The following GABRP variants were observed in gnomAD, a reference collection of about 807,000 sequenced individuals.
The protein encoded by GABRP is gamma-aminobutyric acid receptor subunit pi.
In GABRP, 52 loss-of-function variants were observed where a neutral mutation model predicts 47.8. That is an observed-to-expected ratio of 1.09 (90% CI 0.87 to 1.37). GABRP has a LOEUF of 1.37. Ranked by LOEUF, GABRP falls within the 40% of genes most tolerant of loss-of-function variation. The pLI is 0.00. For missense variants in GABRP, 525 were observed against 542.8 expected, an observed-to-expected ratio of 0.97 and a Z score of 0.33; for synonymous variants, 221 against 205.8, an observed-to-expected ratio of 1.07 and a Z score of -0.63.
upstream of GABRP, among the ~76,000 whole-genome samples, chr5:170,783,260 A>T (rs1561804014): frequency 6.6e-6 from 1 of 152,192 alleles, no homozygotes; most frequent in African/African-American, 2.4e-5. Context: ...TTTAACATAG[A>T]ATAGGCCTTC....
chr5:170,801,604 T>TCTAATAC (rs1415269734), intron 6 of GABRP, among the ~76,000 whole-genome samples: 1 of 152,180 alleles, frequency 6.6e-6, no homozygotes, highest in Non-Finnish European at 1.5e-5. Context: ...ATACTTTAGT[T>TCTAATAC]TTATATATTG....
intron 4 of GABRP, among the ~76,000 whole-genome samples, chr5:170,794,568 G>A (rs1050935348): frequency 2.6e-5 from 4 of 152,094 alleles, no homozygotes; most frequent in African/African-American, 9.7e-5. Context: ...GAGCCAGAAG[G>A]AGAGAAACCA....
At chr5:170,791,017 G>A (rs771848557) in intron 3 of GABRP, among the ~76,000 whole-genome samples, 1 of 152,196 alleles carries the variant, frequency 6.6e-6, no homozygotes, top group African/African-American at 2.4e-5. Context: ...AGGCCCTACT[G>A]AACACGTATG....
In GABRP at chr5:170,795,293, C is replaced by T. The variant is rs1252647137; in HGVS notation, c.326C>T (p.Ala109Val). Residue 109 changes from alanine (A) to valine (V), a missense_variant, in exon 5 of 10, where the codon GCC (alanine) becomes GTC (valine). Physicochemically the swap from Ala to Val is moderately conservative, Grantham distance 64. Transcript: ENST00000265294. ...FEGNKSFTLD[A>V]RLVEFLWVPD... Reference sequence around the variant, plus strand: ...GGCAACAAGAGCTTCACTCTGGATGCCCGCCTCGTGGAGTTCCTCTGGGTG... The same window carrying T: ...GGCAACAAGAGCTTCACTCTGGATGTCCGCCTCGTGGAGTTCCTCTGGGTG... The T allele has an allele frequency of 5.0e-6, 8 of 1,613,770 alleles. No individual in the cohort carries two copies. The East Asian group carries it at 6.7e-5, about 14-fold the overall frequency.
At chr5:170,806,978 C>T (rs922061232) in intron 7 of GABRP, among the ~76,000 whole-genome samples, 1 of 151,632 alleles carries the variant, frequency 6.6e-6, no homozygotes, top group Non-Finnish European at 1.5e-5. Context: ...CAGTGTCTCA[C>T]TCTAGTGTCA....
rs1488380278 is a variant in GABRP, at chr5:170,808,553, T to C, written c.680-47T>C. 5.7e-6 allele frequency: 9 copies of C among 1,570,336 alleles called. No homozygotes were observed. In the Admixed American group the frequency reaches 8.6e-5, roughly 15 times the overall value. ...TTAAGCATCCCATAGAGAAACCACT[T>C]GCTACACGAACAGACACAATTTCCT... On this transcript the variant is annotated intron_variant, in intron 7 of 9. Transcript: ENST00000265294.
At chr5:170,793,157 C>T (rs1765323738) in intron 3 of GABRP, among the ~76,000 whole-genome samples, 1 of 152,192 alleles carries the variant, frequency 6.6e-6, no homozygotes, top group Non-Finnish European at 1.5e-5. Flanking sequence ...AAGACAATGT[C>T]ACACGTCTAA....
At position 170,795,002 on chromosome 5, in the gene GABRP, G is replaced by A. The variant is rs111308834; in HGVS notation, c.241-206G>A. ...CAATATGCCACTAACCCAAGACTGG[G>A]GTAACTGGAGTGACTTATCAGTTAC... On this transcript the variant is annotated intron_variant, in intron 4 of 9. Coordinates refer to ENST00000265294, the MANE Select transcript of GABRP (RefSeq NM_014211.3). Among the ~76,000 whole-genome samples the A allele has an allele frequency of 9.2e-3, 1,345 of 146,558 alleles. 26 individuals are homozygous for A. The highest frequency in any genetic ancestry group is 0.032 in the African/African-American group (1,268 of 40,082).
intron 1 of GABRP, among the ~76,000 whole-genome samples, chr5:170,787,903 G>C (rs1397291632): frequency 6.6e-6 from 1 of 152,140 alleles, no homozygotes; most frequent in Non-Finnish European, 1.5e-5. Flanking sequence ...GTGTAGAGTT[G>C]AGAGTGTCCT....
chr5:170,807,057 T>C (rs1765755484), intron 7 of GABRP, among the ~76,000 whole-genome samples: 1 of 152,122 alleles, frequency 6.6e-6, no homozygotes, highest in Non-Finnish European at 1.5e-5. Flanking sequence ...TGGGTGATCC[T>C]CCCACCTCAG....
At chr5:170,808,576 C>T in intron 7 of GABRP, 24 bp from the exon 8 acceptor site, 2 of 1,606,690 alleles carry the variant, frequency 1.2e-6, no homozygotes, top group South Asian at 1.1e-5. Flanking sequence ...GACACAATTT[C>T]CTATCTGTTG....
chr5:170,810,047 T>C (rs1256593918), intron 9 of GABRP: 1 of 674,806 alleles, frequency 1.5e-6, no homozygotes, highest in Non-Finnish European at 2.7e-6. Flanking sequence ...CCATGAAGAA[T>C]CCAATATGAA....
At chr5:170,802,213 G>T (rs1765613311) in intron 6 of GABRP, among the ~76,000 whole-genome samples, 1 of 152,150 alleles carries the variant, frequency 6.6e-6, no homozygotes, top group Non-Finnish European at 1.5e-5. Context: ...AATCTCCATT[G>T]TTCCTTAGTA....
chr5:170,799,751 A>T (rs1198107604), intron 6 of GABRP, among the ~76,000 whole-genome samples: 2 of 152,124 alleles, frequency 1.3e-5, no homozygotes, highest in African/African-American at 2.4e-5. Flanking sequence ...CTCTGATTGT[A>T]GTTTCTTTTG....
At chr5:170,801,483 A>G (rs1376047181) in intron 6 of GABRP, among the ~76,000 whole-genome samples, 1 of 152,168 alleles carries the variant, frequency 6.6e-6, no homozygotes, top group African/African-American at 2.4e-5. Flanking sequence ...CCTGATTACC[A>G]CACAGTAGTC....
At chr5:170,782,954 G>A (rs1765045125), upstream of GABRP, 1 of 152,332 alleles carries the variant, frequency 6.6e-6, no homozygotes, top group Non-Finnish European at 1.5e-5. Context: ...ATGAGGGGAT[G>A]ACCCAGAGCT....
intron 6 of GABRP, among the ~76,000 whole-genome samples, chr5:170,801,714 G>A (rs574297209): frequency 9.2e-5 from 14 of 152,218 alleles, no homozygotes; most frequent in Admixed American, 7.8e-4. Context: ...ATTAAATGAC[G>A]ATTCTATGTG....
chr5:170,809,589 T>G lies in GABRP; in HGVS notation c.854T>G (p.Met285Arg), dbSNP rs1239572068. The G allele has an allele frequency of 6.2e-7, 1 of 1,614,114 alleles. No individual in the cohort carries two copies. The highest frequency in any genetic ancestry group is 8.5e-7 in the Non-Finnish European group (1 of 1,180,028). ...CCAGGAGTGACGACCGTGTTATCAA[T>G]GACCACACTGATGATCGGGTCCCGC... ...TCIGVTTVLSMTTLMIGSRTS... is the reference protein window; with the variant it reads ...TCIGVTTVLSRTTLMIGSRTS... Residue 285 changes from methionine to arginine, a missense_variant, in exon 9 of 10, where the codon ATG (methionine) becomes AGG (arginine). Transcript: ENST00000265294.
rs778423886 is a variant in GABRP at position 170,808,605 on chromosome 5, T to C, written c.685T>C (p.Tyr229His). 5.6e-6 allele frequency: 9 copies of C among 1,613,494 alleles called. 1 individual carries two copies. The South Asian group carries it at 9.9e-5, about 18-fold the overall frequency. The change falls in exon 8 of 10, where the codon TAC becomes CAC. Residue 229 changes from tyrosine (Y) to histidine (H), a missense_variant. By Grantham distance (83) the Tyr-to-His change is moderately conservative. Transcript: ENST00000265294. Reference protein sequence around the residue: ...VTRSQQETGNYTRLVLQFELR... With the variant: ...VTRSQQETGNHTRLVLQFELR... ...TCTGTTGTTTACCCTTTCAGGAAAT[T>C]ACACTAGATTGGTCTTACAGTTTGA...
Sources: allele counts gnomAD v4.1 joint callset (sites outside exome capture counted in the v4.1 genomes callset), GRCh38; gene constraint gnomAD v4.1.1; transcripts MANE v1.5; gene names NCBI Gene and HGNC (gene_info 2026-07-23, HGNC 2026-07-21).